The following FBN2 variants were observed in gnomAD, a reference collection of about 807,000 sequenced individuals.
FBN2 encodes fibrillin 2.
In FBN2, 105 loss-of-function variants were observed where a neutral mutation model predicts 355.6. The ratio of observed to expected loss-of-function variants is 0.30; its 90% confidence interval spans 0.25 to 0.35. The LOEUF is 0.35. FBN2 is among the 10% of genes least tolerant of loss of function. FBN2 has a pLI of 1.00. For missense variants in FBN2, 3,280 were observed against 3,758.7 expected (o/e 0.87, Z 3.33); for synonymous variants, 1,350 against 1,301.2 (o/e 1.04, Z -0.81).
intron 48 of FBN2, among the ~76,000 whole-genome samples, chr5:128,298,399 G>T (rs1379517937): frequency 6.6e-6 from 1 of 151,926 alleles, no homozygotes; most frequent in Non-Finnish European, 1.5e-5. Context: ...GCTAGATTGG[G>T]GAAGTTCTCC....
chr5:128,275,911 C>A (rs2126807120), intron 59 of FBN2, 127 bp downstream of exon 59: 1 of 1,040,108 alleles, frequency 9.6e-7, no homozygotes, highest in East Asian at 2.5e-5. Context: ...TGAGCAATAA[C>A]ATGGCCACTA....
At chr5:128,271,479 C>G (rs1371103897) in intron 62 of FBN2, among the ~76,000 whole-genome samples, 8 of 152,204 alleles carry the variant, frequency 5.3e-5, no homozygotes, top group Non-Finnish European at 1.0e-4. Context: ...TTTTATTTTA[C>G]AAACACTTCT....
At chr5:128,472,315 T>C (rs1754882453) in intron 5 of FBN2, among the ~76,000 whole-genome samples, 1 of 152,098 alleles carries the variant, frequency 6.6e-6, no homozygotes, top group Non-Finnish European at 1.5e-5. Flanking sequence ...AGTAGTCAAA[T>C]TCATAAAGAC....
rs6149234 is a variant in FBN2, at chr5:128,434,394, GTATATATA to G, written c.952+12079_952+12086del. Reference sequence around the variant, plus strand: ...CAATGCCTGGCAGTGAATAAAGTGTGTATATATATATATATATATATATATATATATGG... The same window carrying G: ...CAATGCCTGGCAGTGAATAAAGTGTGTATATATATATATATATATATATGG... On this transcript the variant is annotated intron_variant, in intron 7 of 64. Transcript: ENST00000262464. Among the ~76,000 whole-genome samples the G allele has an allele frequency of 2.0e-3, 181 of 91,668 alleles. 16 individuals are homozygous for G. Among genetic ancestry groups the G allele is most frequent in the Middle Eastern group, 4.8e-3 (1 of 208 alleles). 60.1% of individuals were successfully genotyped at this position (91,668 alleles called of 152,430 possible). A position where few individuals can be genotyped will look rare whatever the true frequency, so the allele number is the denominator to read the frequency against.
chr5:128,391,755 A>G (rs2126976926), intron 11 of FBN2, among the ~76,000 whole-genome samples: 1 of 152,224 alleles, frequency 6.6e-6, no homozygotes, highest in East Asian at 1.9e-4. Flanking sequence ...TATTAAGAGT[A>G]AGCATTTCTA....
At chr5:128,291,132 G>C (rs868472767) in intron 49 of FBN2, among the ~76,000 whole-genome samples, 25 of 152,142 alleles carry the variant, frequency 1.6e-4, no homozygotes, top group African/African-American at 4.6e-4. Flanking sequence ...GTATCAAAGT[G>C]ATTTCCACAC....
chr5:128,327,420 T>A (rs1750581449), intron 34 of FBN2, among the ~76,000 whole-genome samples: 1 of 152,166 alleles, frequency 6.6e-6, no homozygotes, highest in Non-Finnish European at 1.5e-5. Context: ...TGGTTTTGTT[T>A]GGTTGATGCT....
intron 53 of FBN2, 131 bp downstream of exon 53, chr5:128,288,307 A>C: frequency 7.8e-6 from 8 of 1,029,924 alleles, no homozygotes; most frequent in African/African-American, 1.6e-5. Flanking sequence ...CCAAACAAAA[A>C]ACCCAAAAAA....
chr5:128,408,808 G>A lies in FBN2; in HGVS notation c.953-9C>T, dbSNP rs1181205032. The A allele has an allele frequency of 1.2e-6, 2 of 1,613,590 alleles. No homozygotes were observed. The highest frequency in any genetic ancestry group is 1.3e-5 in the African/African-American group (1 of 74,874). On this transcript the variant is annotated splice_polypyrimidine_tract_variant and intron_variant, in intron 7 of 64. Coordinates refer to ENST00000262464, the MANE Select transcript of FBN2 (RefSeq NM_001999.4). ...GCTGCACTCATCAATGTCTAATCAA[G>A]GGAAGAAGGAGAAGATGATTGAGAA...
chr5:128,317,117 C>T (rs1324384108), intron 36 of FBN2, among the ~76,000 whole-genome samples: 1 of 152,112 alleles, frequency 6.6e-6, no homozygotes, highest in African/African-American at 2.4e-5. Context: ...TGGAGGCTTC[C>T]CTCAGTGGTC....
chr5:128,514,261 T>G (rs896597132), intron 5 of FBN2, among the ~76,000 whole-genome samples: 4 of 152,212 alleles, frequency 2.6e-5, no homozygotes, highest in Admixed American at 2.0e-4. Context: ...ATCTCAGGAA[T>G]TAGTCTGATA....
At chr5:128,489,071 G>A (rs545790821) in intron 5 of FBN2, among the ~76,000 whole-genome samples, 5 of 151,988 alleles carry the variant, frequency 3.3e-5, no homozygotes, top group South Asian at 2.1e-4. Flanking sequence ...CTGAGGAATC[G>A]CCGCACTGAC....
rs770141524 is a variant in FBN2, at chr5:128,374,734, C to T, written c.1989G>A (p.Gln663=). Residue 663 remains glutamine, a synonymous_variant, in exon 15 of 65, where the codon CAG becomes CAA. Coordinates refer to ENST00000262464, the MANE Select transcript of FBN2 (RefSeq NM_001999.4). ...GRYCTDVDEC[Q]TPGICMNGHC... The stretch of plus-strand genomic sequence containing the variant: ...GCCCATTCATGCAGATTCCTGGGGT[C>T]TGGCATTCATCAACATCTGTGCAGT... 6.2e-7 allele frequency: 1 copy of T among 1,613,918 alleles called. No homozygotes were observed. Among genetic ancestry groups the T allele is most frequent in the Admixed American group, 1.7e-5 (1 of 59,982 alleles).
At position 128,259,144 on chromosome 5, in the gene FBN2, AG is replaced by A; in HGVS notation, c.*310del. ...GACTGCTAACAGGAAAAAAAAAAAA[AG>A]CTCACATTATTTTTGTGCATTTAGT... is the stretch of plus-strand genomic sequence containing the variant. On this transcript the variant is annotated 3_prime_UTR_variant, in exon 65 of 65. Transcript: ENST00000262464. 7.1e-6 allele frequency: 2 copies of A among 281,322 alleles called. No individual in the cohort carries two copies. The highest frequency in any genetic ancestry group is 6.7e-6 in the Non-Finnish European group (1 of 148,558). 17.4% of individuals were successfully genotyped at this position (281,322 alleles called of 1,614,324 possible). A position where few individuals can be genotyped will look rare whatever the true frequency, so the allele number is the denominator to read the frequency against.
rs142315343 is a variant in FBN2 at position 128,360,607 on chromosome 5, GA to G, written c.2554+1115del. The stretch of plus-strand genomic sequence containing the variant: ...ATTACTGTTTTTTAGTGGCCCCTCT[GA>G]TTCAATTCAAAGTTAGCACTGCACT... On this transcript the variant is annotated intron_variant, in intron 19 of 64. Coordinates refer to ENST00000262464, the MANE Select transcript of FBN2 (RefSeq NM_001999.4). Among the ~76,000 whole-genome samples the G allele has an allele frequency of 8.5e-3, 1,294 of 151,386 alleles. 23 individuals are homozygous for G. The highest frequency in any genetic ancestry group is 0.031 in the Middle Eastern group (9 of 294).
At chr5:128,415,722 T>A (rs1250971601) in intron 7 of FBN2, among the ~76,000 whole-genome samples, 1 of 152,170 alleles carries the variant, frequency 6.6e-6, no homozygotes, top group African/African-American at 2.4e-5. Context: ...TGCTATGTAG[T>A]GGAACTGCCA....
chr5:128,288,730 A>C (rs1000009705), intron 52 of FBN2, among the ~76,000 whole-genome samples, 173 bp from the exon 53 acceptor site: 2 of 152,182 alleles, frequency 1.3e-5, no homozygotes, highest in Non-Finnish European at 2.9e-5. Flanking sequence ...GAGGGTCTGA[A>C]GGATCAATGT....
At position 128,301,032 on chromosome 5, in the gene FBN2, C is replaced by T. The variant is rs570078714; in HGVS notation, c.6047-96G>A. On this transcript the variant is annotated intron_variant, in intron 47 of 64. Coordinates refer to ENST00000262464, the MANE Select transcript of FBN2 (RefSeq NM_001999.4). ...AAATGATATTAACATGAATTCAACTCGGGTCCTCTGATCTACTGGGTCACC... is the reference window on the plus strand; with the variant it reads ...AAATGATATTAACATGAATTCAACTTGGGTCCTCTGATCTACTGGGTCACC... 43 of 1,164,648 alleles carry T rather than the reference C, an allele frequency of 3.7e-5. No homozygotes were observed. In the East Asian group the frequency reaches 7.4e-4, roughly 20 times the overall value. The allele number at this position is 1,164,648 out of a possible 1,614,324, so 72.1% of individuals were successfully genotyped here.
intron 48 of FBN2, among the ~76,000 whole-genome samples, chr5:128,292,110 C>T (rs1749340615): frequency 1.3e-5 from 2 of 152,146 alleles, no homozygotes; most frequent in South Asian, 4.1e-4. Context: ...CTCAGTACTT[C>T]CACAGCCATC....
Sources: allele counts gnomAD v4.1 joint callset (sites outside exome capture counted in the v4.1 genomes callset), GRCh38; gene constraint gnomAD v4.1.1; transcripts MANE v1.5; gene names NCBI Gene and HGNC (gene_info 2026-07-23, HGNC 2026-07-21).